Variants in RHCE observed in about 807,000 individuals in gnomAD.
The protein encoded by RHCE is Rh blood group CcEe antigens, also known as blood group Rh(CE) polypeptide.
In RHCE, 22 loss-of-function variants were observed where a neutral mutation model predicts 43.8. The ratio of observed to expected loss-of-function variants is 0.50; its 90% confidence interval spans 0.36 to 0.72. RHCE has a LOEUF of 0.72. Among genes scored for constraint, RHCE ranks in the 30% least tolerant of loss-of-function variants. The probability of loss-of-function intolerance (pLI) is 0.00; values close to 1 mark genes in which losing one functional copy is unlikely to be tolerated. For synonymous variants in RHCE, 156 were observed against 210.7 expected (o/e 0.74, Z 2.25); for missense variants, 385 against 525.4 (o/e 0.73, Z 2.61).
chr1:25,413,043 G>A (rs1482648933), intron 1 of RHCE, among the ~76,000 whole-genome samples: 1 of 152,070 alleles, frequency 6.6e-6, no homozygotes, highest in East Asian at 1.9e-4. Context: ...GAGAGATGAG[G>A]AAGTCAGAGG....
Position 25,373,276 on chromosome 1 carries a change from C to T in RHCE, c.1153+2073G>A, listed in dbSNP as rs558736176. ...GACAGAGGGCAAGTCAGCACCACTT[C>T]GAATATACCAGTGATAACAGTGAAT... On this transcript the variant is annotated intron_variant, in intron 8 of 9. Coordinates refer to ENST00000294413, the MANE Select transcript of RHCE (RefSeq NM_020485.8). Among the ~76,000 whole-genome samples, 28 of 151,758 alleles carry T rather than the reference C, an allele frequency of 1.8e-4. 1 individual carries two copies. Among genetic ancestry groups the T allele is most frequent in the East Asian group, 1.5e-3 (8 of 5,164 alleles).
upstream of RHCE, among the ~76,000 whole-genome samples, chr1:25,425,221 T>C (rs1351946956): frequency 2.0e-5 from 3 of 152,206 alleles, no homozygotes; most frequent in Non-Finnish European, 4.4e-5. Flanking sequence ...ACCAGGGAAG[T>C]CCATAGTAGG....
rs1645839300 is a variant in RHCE, at chr1:25,377,978, A to C, written c.1074-2550T>G. Among the ~76,000 whole-genome samples, 3 of 152,234 alleles carry C rather than the reference A, an allele frequency of 2.0e-5. No individual in the cohort carries two copies. In the South Asian group the frequency reaches 6.2e-4, roughly 31 times the overall value. ...GGATATGTAAGGAATTCCTAAAATC[A>C]ATAAGAAAAAGACAGAACACCACAA... On this transcript the variant is annotated intron_variant, in intron 7 of 9. Coordinates refer to ENST00000294413, the MANE Select transcript of RHCE (RefSeq NM_020485.8).
At chr1:25,430,139 G>A (rs2042840705) in exon 1 of RHCE, 1 of 151,914 alleles carries the variant, frequency 6.6e-6, no homozygotes, top group Admixed American at 6.6e-5. Flanking sequence ...CCACAGCGCT[G>A]CCCAGCCTGT....
intron 1 of RHCE, among the ~76,000 whole-genome samples, chr1:25,417,888 A>G (rs1179140968): frequency 6.6e-6 from 1 of 152,110 alleles, no homozygotes; most frequent in Non-Finnish European, 1.5e-5. Context: ...TGTGCCCAAC[A>G]CCAGCCCTGG....
At chr1:25,409,088 G>A (rs1389147675) in intron 1 of RHCE, among the ~76,000 whole-genome samples, 1 of 123,600 alleles carries the variant, frequency 8.1e-6, no homozygotes, top group East Asian at 4.0e-4. Context: ...GATTAGAGGA[G>A]CTAAAGCTAA....
intron 2 of RHCE, among the ~76,000 whole-genome samples, chr1:25,428,519 C>G (rs1342931322): frequency 6.6e-6 from 1 of 152,166 alleles, no homozygotes; most frequent in Non-Finnish European, 1.5e-5. Flanking sequence ...CTTGGCCACC[C>G]GGTGCCACTT....
intron 6 of RHCE, among the ~76,000 whole-genome samples, chr1:25,388,391 C>A (rs1208660369): frequency 8.1e-5 from 11 of 134,982 alleles, no homozygotes; most frequent in Non-Finnish European, 1.4e-4. Context: ...CCAGCACTCC[C>A]TCTTCTGGGT....
chr1:25,416,974 A>C (rs921782481), intron 1 of RHCE, among the ~76,000 whole-genome samples: 1 of 151,326 alleles, frequency 6.6e-6, no homozygotes, highest in Admixed American at 6.6e-5. Flanking sequence ...AAACAGAGAG[A>C]ACAGCACGAT....
At chr1:25,403,211 C>T (rs113390831) in intron 2 of RHCE, among the ~76,000 whole-genome samples, 1,629 of 151,900 alleles carry the variant, frequency 0.011, no homozygotes, top group African/African-American at 0.038. Flanking sequence ...TCTCCCTCTC[C>T]GTGGCAGTGG....
At chr1:25,429,095 G>A (rs2124559819) in intron 1 of RHCE, 1 of 152,306 alleles carries the variant, frequency 6.6e-6, no homozygotes, top group East Asian at 1.9e-4. Flanking sequence ...AGTCATGATT[G>A]AGGACAACGC....
At chr1:25,406,563 T>C (rs1646928093) in intron 2 of RHCE, among the ~76,000 whole-genome samples, 2 of 119,232 alleles carry the variant, frequency 1.7e-5, no homozygotes, top group African/African-American at 5.1e-5. Context: ...TCCATCTGTC[T>C]AGGCCTCCTA....
At chr1:25,403,870 A>C (rs1385900804) in intron 2 of RHCE, among the ~76,000 whole-genome samples, 1 of 151,802 alleles carries the variant, frequency 6.6e-6, no homozygotes, top group Non-Finnish European at 1.5e-5. Context: ...ACCTCTTTTA[A>C]ATTTTAACCC....
At chr1:25,430,200 C>T (rs1008162114), upstream of RHCE, 6 of 152,070 alleles carry the variant, frequency 3.9e-5, no homozygotes, top group African/African-American at 1.2e-4. Context: ...CATCTCTGCG[C>T]TACGTCGCGC....
intron 5 of RHCE, among the ~76,000 whole-genome samples, chr1:25,389,551 G>A (rs1323775948): frequency 6.6e-6 from 1 of 152,152 alleles, no homozygotes; most frequent in Non-Finnish European, 1.5e-5. Context: ...TGGGATTACA[G>A]GTGTGAGCCA....
upstream of RHCE, among the ~76,000 whole-genome samples, chr1:25,423,864 T>A (rs997355081): frequency 6.6e-6 from 1 of 152,216 alleles, no homozygotes; most frequent in Non-Finnish European, 1.5e-5. Flanking sequence ...AAATTTTTCA[T>A]AATAAAATGC....
At chr1:25,370,164 A>G (rs1231090467) in intron 9 of RHCE, among the ~76,000 whole-genome samples, 2 of 151,580 alleles carry the variant, frequency 1.3e-5, no homozygotes, top group East Asian at 3.9e-4. Flanking sequence ...ATGTCAAACT[A>G]TTTGGCTACG....
At chr1:25,412,854 G>A (rs747781945) in intron 1 of RHCE, among the ~76,000 whole-genome samples, 9 of 151,508 alleles carry the variant, frequency 5.9e-5, no homozygotes, top group Middle Eastern at 3.4e-3. Flanking sequence ...GTGAAATCCC[G>A]TCTCTACTAA....
At chr1:25,372,737 C>T (rs941891257) in intron 8 of RHCE, among the ~76,000 whole-genome samples, 2 of 151,674 alleles carry the variant, frequency 1.3e-5, no homozygotes, top group African/African-American at 4.9e-5. Context: ...AAATGCTTGG[C>T]TTCTGGGAGT....
Sources: gnomAD v4.1 joint callset for allele counts (sites outside exome capture counted in the v4.1 genomes callset) on GRCh38, gnomAD v4.1.1 for gene constraint, MANE v1.5 for transcripts, NCBI Gene and HGNC (gene_info 2026-07-23, HGNC 2026-07-21) for gene names.